The following TPH2 variants were observed in gnomAD, a reference collection of about 807,000 sequenced individuals.
TPH2 encodes tryptophan hydroxylase 2, also known as tryptophan 5-hydroxylase 2.
TPH2 carries 27 observed loss-of-function variants against 59.1 expected under a neutral mutation model. The ratio of observed to expected loss-of-function variants is 0.46; its 90% confidence interval spans 0.34 to 0.63. The LOEUF (loss-of-function observed/expected upper bound fraction) is 0.63. TPH2 is among the 30% of genes least tolerant of loss of function. TPH2 has a pLI of 0.01. For missense variants in TPH2, 523 were observed against 588.3 expected, an observed-to-expected ratio of 0.89 and a Z score of 1.15; for synonymous variants, 220 against 210.5, an observed-to-expected ratio of 1.05 and a Z score of -0.39.
intron 7 of TPH2, 56 bp from the exon 8 acceptor site, chr12:71,994,383 C>G: frequency 6.2e-7 from 1 of 1,603,332 alleles, no homozygotes; most frequent in Non-Finnish European, 8.5e-7. Context: ...CTTGTTCTAC[C>G]AGTGGTAATT....
At chr12:72,020,043 G>A (rs1487273) in intron 8 of TPH2, among the ~76,000 whole-genome samples, 79,815 of 151,704 alleles carry the variant, frequency 0.53, 22,253 homozygotes, top group Non-Finnish European at 0.64. Flanking sequence ...GTGCTTATTA[G>A]GCTCTTGTTA....
chr12:71,949,598 A>T lies in TPH2; in HGVS notation c.551A>T (p.Asp184Val). The change falls in exon 5 of 11, where the codon GAC becomes GTC. Residue 184 changes from aspartate to valine, a missense_variant. Asp to Val is a radical substitution (Grantham distance 152). Transcript: ENST00000333850. The part of the protein sequence containing the change: ...ELDADHPGFK[D>V]NVYRQRRKYF... ...TTTTTTGTGTTTAAGGGATTTAAGG[A>T]CAATGTCTATCGACAGAGAAGAAAG... 1 of 1,613,072 alleles carries T rather than the reference A, an allele frequency of 6.2e-7. No homozygotes were observed. The highest frequency in any genetic ancestry group is 8.5e-7 in the Non-Finnish European group (1 of 1,179,196).
At chr12:72,011,403 A>T (rs1345389482) in intron 8 of TPH2, among the ~76,000 whole-genome samples, 1 of 152,236 alleles carries the variant, frequency 6.6e-6, no homozygotes, top group Non-Finnish European at 1.5e-5. Flanking sequence ...GGATGGATGG[A>T]CATCTCACAG....
intron 5 of TPH2, among the ~76,000 whole-genome samples, chr12:71,951,747 CG>C (rs1871355785): frequency 6.6e-6 from 1 of 151,650 alleles, no homozygotes; most frequent in African/African-American, 2.4e-5. Flanking sequence ...TGATTTCGGC[CG>C]GGTACAGTGG....
At chr12:72,023,427 G>T (rs935559458) in intron 9 of TPH2, among the ~76,000 whole-genome samples, 2 of 148,126 alleles carry the variant, frequency 1.4e-5, no homozygotes, top group Non-Finnish European at 3.0e-5. Flanking sequence ...GTCATTTTAT[G>T]ACTTCATTCA....
At chr12:71,940,228 C>T (rs540705005) in intron 1 of TPH2, among the ~76,000 whole-genome samples, 10 of 152,244 alleles carry the variant, frequency 6.6e-5, no homozygotes, top group African/African-American at 2.2e-4. Flanking sequence ...CTTCTGTATG[C>T]AAGATCTGTG....
At position 71,997,649 on chromosome 12, in the gene TPH2, C is replaced by G. The variant is rs528076764; in HGVS notation, c.1068+3084C>G. ...TCACCATCTCTTTTTCTCTCCCTCT[C>G]TCTTTTATTGTCCTTTCCCTGAAAT... On this transcript the variant is annotated intron_variant, in intron 8 of 10. Transcript: ENST00000333850. Among the ~76,000 whole-genome samples, 9 of 152,234 alleles carry G rather than the reference C, an allele frequency of 5.9e-5. No individual in the cohort carries two copies. The South Asian group carries it at 1.9e-3, about 32-fold the overall frequency.
chr12:71,961,438 C>T (rs1363570515), intron 5 of TPH2: 1 of 903,960 alleles, frequency 1.1e-6, no homozygotes, highest in Admixed American at 3.3e-5. Flanking sequence ...CTTCATCTAT[C>T]ACTCTGAAAA....
intron 8 of TPH2, among the ~76,000 whole-genome samples, chr12:72,007,101 A>G (rs1872974376): frequency 6.6e-6 from 1 of 152,170 alleles, no homozygotes; most frequent in African/African-American, 2.4e-5. Context: ...TATGCAGTTT[A>G]TATTACAAAA....
At chr12:71,998,198 T>G (rs935571779) in intron 8 of TPH2, among the ~76,000 whole-genome samples, 1 of 152,198 alleles carries the variant, frequency 6.6e-6, no homozygotes, top group Non-Finnish European at 1.5e-5. Context: ...TTTCTTGATA[T>G]TGCTTGAGCT....
At chr12:71,961,765 G>GAA in intron 5 of TPH2, 3 of 1,318,218 alleles carry the variant, frequency 2.3e-6, no homozygotes, top group Non-Finnish European at 2.0e-6. Context: ...TGCAAGGTGA[G>GAA]AAAATAGTGG....
In TPH2 at chr12:71,972,688, C is replaced by A; in HGVS notation, c.778C>A (p.Leu260Ile). The A allele has an allele frequency of 6.2e-7, 1 of 1,614,096 alleles. No individual in the cohort carries two copies. The highest frequency in any genetic ancestry group is 8.5e-7 in the Non-Finnish European group (1 of 1,180,032). ...CTACAGAGAGGACAATGTGCCTCAA[C>A]TCGAAGATGTCTCCATGTTTCTGAA... Reference protein sequence around the residue: ...CGYREDNVPQLEDVSMFLKER... With the variant: ...CGYREDNVPQIEDVSMFLKER... The change falls in exon 6 of 11, where the codon CTC becomes ATC. Residue 260 changes from leucine (L) to isoleucine (I), a missense_variant. Coordinates refer to ENST00000333850, the MANE Select transcript of TPH2 (RefSeq NM_173353.4).
chr12:72,028,555 C>T (rs1306366361), intron 9 of TPH2, among the ~76,000 whole-genome samples: 5 of 152,198 alleles, frequency 3.3e-5, no homozygotes, highest in African/African-American at 1.2e-4. Context: ...ACAGTCAGCT[C>T]ATGGTCAGGT....
chr12:72,000,905 G>A (rs1872806112), intron 8 of TPH2, among the ~76,000 whole-genome samples: 1 of 152,268 alleles, frequency 6.6e-6, no homozygotes, highest in South Asian at 2.1e-4. Context: ...GATGAATTTA[G>A]GAAATAGTCC....
At chr12:72,008,963 G>A (rs549516315) in intron 8 of TPH2, among the ~76,000 whole-genome samples, 1 of 152,226 alleles carries the variant, frequency 6.6e-6, no homozygotes, top group Non-Finnish European at 1.5e-5. Flanking sequence ...GTGTGTGTGT[G>A]TATGCCTGCA....
rs140155717 is a variant in TPH2 at position 71,993,015 on chromosome 12, A to C, written c.942-1424A>C. ...AGTTCAGTTCATGTACCAAAAAAGAAGTTATTGACACAGTTGACAAGGGAT... is the reference window on the plus strand; with the variant it reads ...AGTTCAGTTCATGTACCAAAAAAGACGTTATTGACACAGTTGACAAGGGAT... On this transcript the variant is annotated intron_variant, in intron 7 of 10. Transcript: ENST00000333850. Among the ~76,000 whole-genome samples, 1,275 of 152,344 alleles carry C rather than the reference A, an allele frequency of 8.4e-3. 11 individuals carry two copies. The highest frequency in any genetic ancestry group is 0.013 in the Non-Finnish European group (900 of 68,032).
At chr12:71,988,139 A>G (rs1037131073) in intron 7 of TPH2, among the ~76,000 whole-genome samples, 4 of 152,172 alleles carry the variant, frequency 2.6e-5, no homozygotes, top group African/African-American at 7.2e-5. Context: ...TAATTTGCCT[A>G]CACAAGAATA....
intron 8 of TPH2, among the ~76,000 whole-genome samples, chr12:72,001,854 A>G (rs1255677327): frequency 6.6e-6 from 1 of 152,098 alleles, no homozygotes; most frequent in Non-Finnish European, 1.5e-5. Context: ...AGATTCAGCT[A>G]GCTAAATTTT....
At chr12:71,949,019 G>T (rs1224147826) in intron 4 of TPH2, among the ~76,000 whole-genome samples, 1 of 152,144 alleles carries the variant, frequency 6.6e-6, no homozygotes, top group Non-Finnish European at 1.5e-5. Flanking sequence ...ATGGTGCCAG[G>T]CTTCTGTCCT....
Sources: gnomAD v4.1 joint callset for allele counts (sites outside exome capture counted in the v4.1 genomes callset) on GRCh38, gnomAD v4.1.1 for gene constraint, MANE v1.5 for transcripts, NCBI Gene and HGNC (gene_info 2026-07-23, HGNC 2026-07-21) for gene names.